The following C8orf34 variants were observed in gnomAD, a reference collection of about 807,000 sequenced individuals.
C8orf34 encodes chromosome 8 open reading frame 34, also known as uncharacterized protein C8orf34.
In C8orf34, 65 loss-of-function variants were observed where a neutral mutation model predicts 68.3. That is an observed-to-expected ratio of 0.95 (90% CI 0.78 to 1.17). The LOEUF is 1.17. Among genes scored for constraint, C8orf34 ranks in the 50% most tolerant of loss-of-function variants. C8orf34 has a pLI of 0.00. For synonymous variants in C8orf34, 244 were observed against 241.2 expected, an observed-to-expected ratio of 1.01 and a Z score of -0.11; for missense variants, 664 against 655.4, an observed-to-expected ratio of 1.01 and a Z score of -0.14.
At chr8:68,816,016 T>C in intron 13 of C8orf34, 71 bp downstream of exon 13, 2 of 1,611,192 alleles carry the variant, frequency 1.2e-6, no homozygotes, top group Non-Finnish European at 1.7e-6. Context: ...GCTCAGGATT[T>C]GTATTAAAAA....
chr8:68,426,033 T>G (rs1396651471), intron 1 of C8orf34, among the ~76,000 whole-genome samples: 1 of 152,148 alleles, frequency 6.6e-6, no homozygotes, highest in Non-Finnish European at 1.5e-5. Context: ...AATGGGTCAT[T>G]GACTTTAAAG....
intron 2 of C8orf34, among the ~76,000 whole-genome samples, chr8:68,441,795 A>T (rs1810921335): frequency 6.6e-6 from 1 of 152,188 alleles, no homozygotes; most frequent in Admixed American, 6.6e-5. Flanking sequence ...GTTTCAAAGC[A>T]AGTTAAAAGT....
chr8:68,787,474 A>C lies in C8orf34; in HGVS notation c.1487A>C (p.His496Pro). 1 of 1,612,814 alleles carries C rather than the reference A, an allele frequency of 6.2e-7. No homozygotes were observed. The highest frequency in any genetic ancestry group is 8.5e-7 in the Non-Finnish European group (1 of 1,179,186). ...DESLKQLQVVHQPWILPSDTE... is the reference protein window; with the variant it reads ...DESLKQLQVVPQPWILPSDTE... ...TCCTTAAAGCAATTGCAGGTAGTTC[A>C]TCAACCATGGATCTTGCCAAGTGAC... The change falls in exon 12 of 14, where the codon CAT (histidine) becomes CCT (proline). Residue 496 changes from histidine (H) to proline (P), a missense_variant. Coordinates refer to ENST00000518698, the MANE Select transcript of C8orf34 (RefSeq NM_052958.4).
At chr8:68,425,893 A>G (rs1198217292) in intron 1 of C8orf34, among the ~76,000 whole-genome samples, 1 of 152,164 alleles carries the variant, frequency 6.6e-6, no homozygotes, top group East Asian at 1.9e-4. Context: ...TTAATTTTTG[A>G]CAAAGACACA....
chr8:68,674,409 A>G (rs182504803), intron 8 of C8orf34, among the ~76,000 whole-genome samples: 63 of 152,308 alleles, frequency 4.1e-4, no homozygotes, highest in Admixed American at 2.2e-3. Flanking sequence ...TCAAGATAAC[A>G]CAGAGGGAAT....
intron 12 of C8orf34, among the ~76,000 whole-genome samples, chr8:68,814,028 C>T (rs1237228927): frequency 1.3e-5 from 2 of 152,198 alleles, no homozygotes; most frequent in African/African-American, 4.8e-5. Flanking sequence ...TACAATTCCT[C>T]ATTTTCTACT....
At chr8:68,514,237 G>A (rs1814407857) in intron 5 of C8orf34, among the ~76,000 whole-genome samples, 1 of 152,126 alleles carries the variant, frequency 6.6e-6, no homozygotes, top group South Asian at 2.1e-4. Flanking sequence ...TTCCACACAG[G>A]ATGAGGAGGG....
At chr8:68,708,033 A>T (rs1203868363) in intron 8 of C8orf34, among the ~76,000 whole-genome samples, 1 of 152,226 alleles carries the variant, frequency 6.6e-6, no homozygotes, top group Admixed American at 6.5e-5. Context: ...GAAAAAATTT[A>T]AAAAATTAAT....
Position 68,640,234 on chromosome 8 carries a change from G to T in C8orf34, c.1106-142G>T. On this transcript the variant is annotated intron_variant, in intron 7 of 13. Coordinates refer to ENST00000518698, the MANE Select transcript of C8orf34 (RefSeq NM_052958.4). The stretch of plus-strand genomic sequence containing the variant: ...TCTAGAAATAATTTGAAAAATAATT[G>T]ATATATGTAGTTAGATTTTTGCAAA... 5.9e-6 allele frequency: 4 copies of T among 674,890 alleles called. No homozygotes were observed. The South Asian group carries it at 7.9e-5, about 13-fold the overall frequency. The allele number at this position is 674,890 out of a possible 1,614,324, so 41.8% of individuals were successfully genotyped here.
chr8:68,564,830 AGT>A (rs1180976746), intron 7 of C8orf34, among the ~76,000 whole-genome samples: 3 of 151,300 alleles, frequency 2.0e-5, no homozygotes, highest in African/African-American at 4.8e-5. Flanking sequence ...GTTCTTCTGA[AGT>A]GAGAGAGAGA....
At chr8:68,815,014 A>G (rs1824767957) in intron 12 of C8orf34, among the ~76,000 whole-genome samples, 1 of 152,206 alleles carries the variant, frequency 6.6e-6, no homozygotes, top group South Asian at 2.1e-4. Flanking sequence ...TATTTGACCA[A>G]TGAACCATTT....
intron 2 of C8orf34, among the ~76,000 whole-genome samples, chr8:68,444,068 A>T (rs1310286521): frequency 1.3e-5 from 2 of 151,888 alleles, no homozygotes; most frequent in Non-Finnish European, 2.9e-5. Context: ...TTCATTTGGC[A>T]TTGTGTTTGC....
chr8:68,655,844 C>A (rs1324619439), intron 8 of C8orf34, among the ~76,000 whole-genome samples: 1 of 152,172 alleles, frequency 6.6e-6, no homozygotes. Flanking sequence ...GGATGGTAGT[C>A]ATCCTATTTC....
chr8:68,377,638 G>A (rs1460098114), intron 1 of C8orf34, among the ~76,000 whole-genome samples: 1 of 152,060 alleles, frequency 6.6e-6, no homozygotes. Context: ...CAATTCACAT[G>A]ACCACTTTTT....
chr8:68,815,880 G>T lies in C8orf34; in HGVS notation c.1550-6G>T. 1 of 1,613,620 alleles carries T rather than the reference G, an allele frequency of 6.2e-7. No homozygotes were observed. Among genetic ancestry groups the T allele is most frequent in the Non-Finnish European group, 8.5e-7 (1 of 1,179,678 alleles). On this transcript the variant is annotated splice_region_variant and splice_polypyrimidine_tract_variant and intron_variant, in intron 12 of 13. Coordinates refer to ENST00000518698, the MANE Select transcript of C8orf34 (RefSeq NM_052958.4). ...GCATATTATCTCTGTTTCTTTTGTT[G>T]TGCAGGTTCCGCTGATCTTCTTCTT...
intron 5 of C8orf34, among the ~76,000 whole-genome samples, chr8:68,506,030 C>G (rs564538703): frequency 6.6e-6 from 1 of 152,162 alleles, no homozygotes; most frequent in Non-Finnish European, 1.5e-5. Flanking sequence ...TAGCCAACTC[C>G]ATCTCTATTC....
intron 5 of C8orf34, among the ~76,000 whole-genome samples, chr8:68,511,599 G>A (rs556517015): frequency 7.1e-4 from 108 of 152,212 alleles, no homozygotes; most frequent in African/African-American, 1.8e-3. Flanking sequence ...GGCAAGGGGC[G>A]AAGAGAACCA....
intron 8 of C8orf34, among the ~76,000 whole-genome samples, chr8:68,661,932 C>T (rs1176594711): frequency 2.0e-5 from 3 of 151,934 alleles, no homozygotes; most frequent in Non-Finnish European, 4.4e-5. Flanking sequence ...AAGACTTTCT[C>T]TCTACCCTCT....
chr8:68,559,265 G>A (rs1816348667), intron 7 of C8orf34, among the ~76,000 whole-genome samples: 1 of 152,208 alleles, frequency 6.6e-6, no homozygotes, highest in Non-Finnish European at 1.5e-5. Flanking sequence ...TAATTTCTAT[G>A]TGTCCAGCCT....
Sources: gnomAD v4.1 joint callset for allele counts (sites outside exome capture counted in the v4.1 genomes callset) on GRCh38, gnomAD v4.1.1 for gene constraint, MANE v1.5 for transcripts, NCBI Gene and HGNC (gene_info 2026-07-23, HGNC 2026-07-21) for gene names.